The following TULP2 variants were observed in gnomAD, a reference collection of about 807,000 sequenced individuals.
The protein encoded by TULP2 is TUB like protein 2, also known as tubby-related protein 2.
Under a neutral mutation model 60.3 loss-of-function variants are expected in TULP2, and 64 were observed. The ratio of observed to expected loss-of-function variants is 1.06; its 90% CI spans 0.87 to 1.31. TULP2 has a LOEUF of 1.31. TULP2 is among the 50% of genes most tolerant of loss of function. The pLI is 0.00. For missense variants in TULP2, 652 were observed against 667.0 expected (o/e 0.98, Z 0.25); for synonymous variants, 267 against 265.4 (o/e 1.01, Z -0.06).
Position 48,895,093 on chromosome 19 carries a change from T to G in TULP2, c.419A>C (p.Glu140Ala). ...WLPDNSDAEL[E>A]EVSVENGSVS... ...GGAACCATTCTCCACGGAGACTTCC[T>G]CCAATTCTGCATCGGAATTGTCTGG... The change falls in exon 6 of 13, where the codon GAG (glutamate) becomes GCG (alanine). Residue 140 changes from glutamate to alanine, a missense_variant. By Grantham distance (107) the Glu-to-Ala change is moderately radical. Coordinates refer to ENST00000221399, the MANE Select transcript of TULP2 (RefSeq NM_003323.3). 6.2e-7 allele frequency: 1 copy of G among 1,614,034 alleles called. No homozygotes were observed. Among genetic ancestry groups the G allele is most frequent in the Non-Finnish European group, 8.5e-7 (1 of 1,179,992 alleles).
rs780225599 is a variant in TULP2, at chr19:48,887,967, T to C, written c.931A>G (p.Thr311Ala). 1.2e-6 allele frequency: 2 copies of C among 1,609,900 alleles called. No homozygotes were observed. The highest frequency in any genetic ancestry group is 2.7e-5 in the African/African-American group (2 of 74,810). Residue 311 changes from threonine (T) to alanine (A), a missense_variant, in exon 8 of 13, where the codon ACC becomes GCC. Physicochemically the swap from Thr to Ala is moderately conservative, Grantham distance 58. Transcript: ENST00000221399. Reference sequence around the variant, plus strand: ...TACTGCACCTGCAGGCTGTCAGAGGTCTCCAGGTAGAGGTAGTAGAGGGGG... The same window carrying C: ...TACTGCACCTGCAGGCTGTCAGAGGCCTCCAGGTAGAGGTAGTAGAGGGGG... ...LFPLYYLYLETSDSLQRFLLA... is the reference protein window; with the variant it reads ...LFPLYYLYLEASDSLQRFLLA...
chr19:48,893,139 G>A (rs2037248494), intron 6 of TULP2, among the ~76,000 whole-genome samples: 1 of 152,044 alleles, frequency 6.6e-6, no homozygotes, highest in Admixed American at 6.6e-5. Flanking sequence ...GGAGGCCGAG[G>A]CAGGCAGATC....
In TULP2 at chr19:48,880,969, G is replaced by C; in HGVS notation, c.*42C>G. 6.5e-7 allele frequency: 1 copy of C among 1,539,552 alleles called. No individual in the cohort carries two copies. Among genetic ancestry groups the C allele is most frequent in the Non-Finnish European group, 9.0e-7 (1 of 1,113,732 alleles). ...TCCAAATGAGGAGGCACAGAAGCTG[G>C]CAAGGGTATGGTATTTTATTGAGTT... On this transcript the variant is annotated 3_prime_UTR_variant, in exon 13 of 13. Coordinates refer to ENST00000221399, the MANE Select transcript of TULP2 (RefSeq NM_003323.3).
rs1336110463 is a variant in TULP2 at position 48,895,127 on chromosome 19, A to G, written c.385T>C (p.Ser129Pro). Reference protein sequence around the residue: ...RNLGLQSPFLSWLPDNSDAEL... With the variant: ...RNLGLQSPFLPWLPDNSDAEL... ...GCATCGGAATTGTCTGGGAGCCAGG[A>G]TAAGAAAGGGGACTGGAGACCGAGA... The change falls in exon 6 of 13, where the codon TCC becomes CCC. Residue 129 changes from serine (S) to proline (P), a missense_variant. Coordinates refer to ENST00000221399, the MANE Select transcript of TULP2 (RefSeq NM_003323.3). 3 of 1,613,974 alleles carry G rather than the reference A, an allele frequency of 1.9e-6. No homozygotes were observed. The African/African-American group carries it at 4.0e-5, about 22-fold the overall frequency.
Position 48,881,027 on chromosome 19 carries a change from A to G in TULP2, c.1547T>C (p.Leu516Ser), listed in dbSNP as rs149397864. ...AGCCAGCTTCTAATTGAAACTGGAC[A>G]AGCAGATGCTGAAGGCCTGGAGCGG... is the stretch of plus-strand genomic sequence containing the variant. ...FSPLQAFSIC[L>S]SSFN is the part of the protein sequence containing the mutation. The change falls in exon 13 of 13, where the codon TTG becomes TCG. Residue 516 changes from leucine to serine, a missense_variant. Transcript: ENST00000221399. 3.3e-5 allele frequency: 53 copies of G among 1,613,654 alleles called. No homozygotes were observed. The African/African-American group carries it at 5.9e-4, about 18-fold the overall frequency.
chr19:48,884,765 T>C (rs1400142369), intron 9 of TULP2, among the ~76,000 whole-genome samples: 5 of 151,930 alleles, frequency 3.3e-5, no homozygotes, highest in Non-Finnish European at 7.4e-5. Flanking sequence ...AGTGAAACTC[T>C]GTCTCAATAA....
In TULP2 at chr19:48,883,995, A is replaced by G; in HGVS notation, c.1113T>C (p.Pro371=). 1 of 1,614,150 alleles carries G rather than the reference A, an allele frequency of 6.2e-7. No homozygotes were observed. Among genetic ancestry groups the G allele is most frequent in the Admixed American group, 1.7e-5 (1 of 59,996 alleles). ...KFTIFDNGVN[P]DREHLTRNTA... is the part of the protein sequence containing the mutation. ...TATTCCTGGTTAAATGCTCCCGGTC[A>G]GGATTCACCCCATTGTCAAAGATGG... is the stretch of plus-strand genomic sequence containing the variant. The change falls in exon 10 of 13, where the codon CCT becomes CCC. Residue 371 remains proline, a synonymous_variant. Coordinates refer to ENST00000221399, the MANE Select transcript of TULP2 (RefSeq NM_003323.3).
rs116989360 is a variant in TULP2, at chr19:48,884,987, G to A, written c.1061+461C>T. On this transcript the variant is annotated intron_variant, in intron 9 of 12. Coordinates refer to ENST00000221399, the MANE Select transcript of TULP2 (RefSeq NM_003323.3). Reference sequence around the variant, plus strand: ...TCAATCTTAGCTTACCAAGACCTCTGCCTCCTGGGATCAAGTGATTCTCCT... The same window carrying A: ...TCAATCTTAGCTTACCAAGACCTCTACCTCCTGGGATCAAGTGATTCTCCT... Among the ~76,000 whole-genome samples, 1,194 of 134,370 alleles carry A rather than the reference G, an allele frequency of 8.9e-3. 7 individuals carry two copies. The highest frequency in any genetic ancestry group is 0.015 in the Middle Eastern group (3 of 200). The allele number at this position is 134,370 out of a possible 152,430, so 88.2% of individuals were successfully genotyped here. A position where few individuals can be genotyped will look rare whatever the true frequency, so the allele number is the denominator to read the frequency against.
intron 6 of TULP2, among the ~76,000 whole-genome samples, chr19:48,894,638 C>T (rs908013798): frequency 1.3e-5 from 2 of 149,184 alleles, no homozygotes; most frequent in Non-Finnish European, 3.0e-5. Context: ...GAGACTCCCT[C>T]CCAACAACAA....
In TULP2 at chr19:48,887,986, G is replaced by A; in HGVS notation, c.912C>T (p.Leu304=). Residue 304 remains leucine, a synonymous_variant, in exon 8 of 13, where the codon CTC becomes CTT. Transcript: ENST00000221399. ...KHGVDKGLFP[L]YYLYLETSDS... is the part of the protein sequence containing the mutation. ...CAGAGGTCTCCAGGTAGAGGTAGTA[G>A]AGGGGGAACAAGCCCTTGTCCACGC... The A allele has an allele frequency of 6.2e-7, 1 of 1,613,978 alleles. No individual in the cohort carries two copies. Among genetic ancestry groups the A allele is most frequent in the Non-Finnish European group, 8.5e-7 (1 of 1,179,856 alleles).
At chr19:48,887,393 C>T (rs1391759728) in intron 8 of TULP2, among the ~76,000 whole-genome samples, 2 of 134,540 alleles carry the variant, frequency 1.5e-5, no homozygotes, top group South Asian at 2.6e-4. Context: ...AGCGTGATCA[C>T]ATCTCACTGC....
chr19:48,891,423 T>C (rs1306386209), intron 6 of TULP2, among the ~76,000 whole-genome samples: 1 of 151,544 alleles, frequency 6.6e-6, no homozygotes, highest in East Asian at 1.9e-4. Flanking sequence ...ACGAGGTCAG[T>C]AGTTCAAAAT....
At chr19:48,882,331 C>G in intron 11 of TULP2, 128 bp from the exon 12 acceptor site, 1 of 1,024,830 alleles carries the variant, frequency 9.8e-7, no homozygotes. Context: ...GAGGATGAGA[C>G]CTGCTGGGCT....
chr19:48,897,800 T>A lies in TULP2; in HGVS notation c.32+37A>T. On this transcript the variant is annotated intron_variant, in intron 2 of 12. Coordinates refer to ENST00000221399, the MANE Select transcript of TULP2 (RefSeq NM_003323.3). The surrounding 1 kb of genome is among the most constrained non-coding windows in gnomAD (Gnocchi z 4.0). ...CGAGTGCACGGGGTCCCCAGCCCTT[T>A]CCACCTCCACCCCTACCCATCTGTT... 1 of 1,612,632 alleles carries A rather than the reference T, an allele frequency of 6.2e-7. No individual in the cohort carries two copies. Among genetic ancestry groups the A allele is most frequent in the Non-Finnish European group, 8.5e-7 (1 of 1,178,972 alleles).
In TULP2 at chr19:48,888,011, C is replaced by T. The variant is rs760598033; in HGVS notation, c.887G>A (p.Gly296Asp). 2 of 1,614,232 alleles carry T rather than the reference C, an allele frequency of 1.2e-6. No homozygotes were observed. The highest frequency in any genetic ancestry group is 2.2e-5 in the South Asian group (2 of 91,082). ...GAGGGGGAACAAGCCCTTGTCCACG[C>T]CGTGCTTGTCACGGGTGAGGTAGCA... ...MQCYLTRDKH[G>D]VDKGLFPLYY... Residue 296 changes from glycine (G) to aspartate (D), a missense_variant, in exon 8 of 13, where the codon GGC becomes GAC. Gly to Asp is a moderately conservative substitution (Grantham distance 94). Transcript: ENST00000221399.
At position 48,896,458 on chromosome 19, in the gene TULP2, C is replaced by T; in HGVS notation, c.183G>A (p.Leu61=). 1 of 1,610,796 alleles carries T rather than the reference C, an allele frequency of 6.2e-7. No homozygotes were observed. The highest frequency in any genetic ancestry group is 1.1e-5 in the South Asian group (1 of 90,522). The change falls in exon 4 of 13, where the codon CTG becomes CTA. Residue 61 remains leucine, a synonymous_variant. Coordinates refer to ENST00000221399, the MANE Select transcript of TULP2 (RefSeq NM_003323.3). Reference sequence around the variant, plus strand: ...TGTCACCTAAAAGGCGCTCCTCCCGCAGACAAGAGCGCCAAAGCCACGGGG... The same window carrying T: ...TGTCACCTAAAAGGCGCTCCTCCCGTAGACAAGAGCGCCAAAGCCACGGGG... The part of the protein sequence containing the change: ...DASPWLWRSC[L]REERLLGDRG...
chr19:48,897,556 C>T lies in TULP2; in HGVS notation c.33-160G>A, dbSNP rs559007517. 5 of 743,316 alleles carry T rather than the reference C, an allele frequency of 6.7e-6. No homozygotes were observed. Among genetic ancestry groups the T allele is most frequent in the African/African-American group, 5.3e-5 (3 of 56,894 alleles). 46.0% of individuals were successfully genotyped at this position (743,316 alleles called of 1,614,324 possible). A position where few individuals can be genotyped will look rare whatever the true frequency, so the allele number is the denominator to read the frequency against. On this transcript the variant is annotated intron_variant, in intron 2 of 12. Coordinates refer to ENST00000221399, the MANE Select transcript of TULP2 (RefSeq NM_003323.3). This position sits in a 1 kb window ranked among gnomAD's most constrained non-coding sequence, Gnocchi z 4.0. ...TGAGCCTGCTCCACCAGTTATAGGG[C>T]CCTTTCTCCTGGCACTGGCCCACAG...
intron 11 of TULP2, among the ~76,000 whole-genome samples, chr19:48,883,351 T>A (rs1267191764): frequency 6.6e-6 from 1 of 151,912 alleles, no homozygotes; most frequent in African/African-American, 2.4e-5. Context: ...GAAATAACCA[T>A]AAAAATAGCC....
In TULP2 at chr19:48,888,041, A is replaced by C; in HGVS notation, c.857T>G (p.Met286Arg). ...VLRPALPGTMMQCYLTRDKHG... is the reference protein window; with the variant it reads ...VLRPALPGTMRQCYLTRDKHG... ...CTTGTCACGGGTGAGGTAGCACTGC[A>C]TCATGGTGCCCGGGAGCGCTGGCCG... is the stretch of plus-strand genomic sequence containing the variant. The change falls in exon 8 of 13, where the codon ATG becomes AGG. Residue 286 changes from methionine to arginine, a missense_variant. Transcript: ENST00000221399. 3.7e-6 allele frequency: 6 copies of C among 1,614,200 alleles called. No homozygotes were observed. Among genetic ancestry groups the C allele is most frequent in the Non-Finnish European group, 5.1e-6 (6 of 1,180,030 alleles).
Sources: allele counts gnomAD v4.1 joint callset (sites outside exome capture counted in the v4.1 genomes callset), GRCh38; gene constraint gnomAD v4.1.1; non-coding constraint Gnocchi (gnomAD v3.1); transcripts MANE v1.5; gene names NCBI Gene and HGNC (gene_info 2026-07-23, HGNC 2026-07-21).